The following SMOC1 variants were observed in gnomAD, a reference collection of about 807,000 sequenced individuals.
The protein encoded by SMOC1 is SPARC related modular calcium binding 1.
In SMOC1, 22 loss-of-function variants were observed where a neutral mutation model predicts 56.3. The observed-to-expected ratio is 0.39, with a 90% CI of 0.28 to 0.56. The LOEUF is 0.56. Ranked by LOEUF, SMOC1 falls within the 20% of genes least tolerant of loss-of-function variation. The pLI is 0.61. For synonymous variants in SMOC1, 193 were observed against 215.0 expected, an observed-to-expected ratio of 0.90 and a Z score of 0.89; for missense variants, 509 against 565.4, an observed-to-expected ratio of 0.90 and a Z score of 1.01.
intron 3 of SMOC1, among the ~76,000 whole-genome samples, chr14:69,956,029 ACAGCCCACTGGC>A (rs1180579617): frequency 1.3e-5 from 2 of 152,210 alleles, no homozygotes; most frequent in Non-Finnish European, 2.9e-5. Context: ...CTCGTGACAG[ACAGCCCACTGGC>A]CAGCTTTTGT....
intron 1 of SMOC1, among the ~76,000 whole-genome samples, chr14:69,915,243 C>G (rs1884657509): frequency 1.3e-5 from 2 of 152,234 alleles, no homozygotes; most frequent in Non-Finnish European, 2.9e-5. Context: ...TCCTCTTTCA[C>G]TGAGAAATCC....
intron 1 of SMOC1, among the ~76,000 whole-genome samples, chr14:69,926,283 G>A (rs1885009944): frequency 6.6e-6 from 1 of 152,228 alleles, no homozygotes. Flanking sequence ...TTTGCAAGGA[G>A]AAGGCTCAAT....
intron 10 of SMOC1, among the ~76,000 whole-genome samples, chr14:70,014,026 C>T (rs923355228): frequency 6.6e-6 from 1 of 152,212 alleles, no homozygotes; most frequent in Non-Finnish European, 1.5e-5. Flanking sequence ...TGATGTGAGG[C>T]TGAAATGCAC....
intron 5 of SMOC1, among the ~76,000 whole-genome samples, chr14:69,983,654 C>T (rs1380433): frequency 1.3e-5 from 2 of 152,166 alleles, no homozygotes; most frequent in Admixed American, 1.3e-4. Context: ...AAGCCCTCTG[C>T]CAGGTTCCTG....
At chr14:69,898,910 T>C (rs1884165880) in intron 1 of SMOC1, among the ~76,000 whole-genome samples, 1 of 152,048 alleles carries the variant, frequency 6.6e-6, no homozygotes, top group African/African-American at 2.4e-5. Flanking sequence ...TTGTGGTAAA[T>C]AGGCCTTTAG....
At chr14:69,936,383 C>T (rs1885295829) in intron 1 of SMOC1, among the ~76,000 whole-genome samples, 2 of 152,208 alleles carry the variant, frequency 1.3e-5, no homozygotes, top group Admixed American at 1.3e-4. Flanking sequence ...CCTGGGTAGA[C>T]GCTGCCCGAG....
intron 2 of SMOC1, 34 bp downstream of exon 2, chr14:69,952,337 G>C (rs770992968): frequency 1.2e-6 from 2 of 1,612,386 alleles, no homozygotes; most frequent in Non-Finnish European, 1.7e-6. Flanking sequence ...GCCAAGGAGA[G>C]GTTCCTGGGC....
chr14:69,885,961 A>T (rs1432296215), intron 1 of SMOC1: 11 of 1,588,562 alleles, frequency 6.9e-6, no homozygotes, highest in South Asian at 1.1e-5. Flanking sequence ...GCAACCTGAT[A>T]TAGCGGGGCC....
chr14:70,001,333 G>A (rs572176825), intron 7 of SMOC1, among the ~76,000 whole-genome samples: 19 of 152,064 alleles, frequency 1.2e-4, no homozygotes, highest in Non-Finnish European at 2.6e-4. Context: ...TGCCACTGAG[G>A]GGTCAAAGGA....
In SMOC1 at chr14:69,883,410, T is replaced by A. The variant is rs1318526704; in HGVS notation, c.99+3633T>A. 2.0e-5 allele frequency among the ~76,000 whole-genome samples: 3 copies of A among 152,186 alleles called. No homozygotes were observed. The East Asian group carries it at 5.8e-4, about 29-fold the overall frequency. On this transcript the variant is annotated intron_variant, in intron 1 of 11. Coordinates refer to ENST00000361956, the MANE Select transcript of SMOC1 (RefSeq NM_001034852.3). ...TCTGTCCTTCTGTGGCTGGCTTACTTTTCTTAACGTCCTCCAGGTTCATCT... is the reference window on the plus strand; with the variant it reads ...TCTGTCCTTCTGTGGCTGGCTTACTATTCTTAACGTCCTCCAGGTTCATCT...
intron 1 of SMOC1, among the ~76,000 whole-genome samples, chr14:69,903,270 A>G (rs1884304542): frequency 6.8e-6 from 1 of 146,826 alleles, no homozygotes; most frequent in South Asian, 2.2e-4. Flanking sequence ...CCCAGCCGCG[A>G]CCCCCTCTGG....
intron 1 of SMOC1, among the ~76,000 whole-genome samples, chr14:69,917,018 A>G (rs1177989966): frequency 6.6e-6 from 1 of 152,244 alleles, no homozygotes. Flanking sequence ...GGTGGTTTTC[A>G]TACTTTTAAA....
intron 1 of SMOC1, among the ~76,000 whole-genome samples, chr14:69,918,970 G>A (rs562653135): frequency 2.8e-4 from 43 of 152,256 alleles, no homozygotes; most frequent in South Asian, 1.5e-3. Context: ...AGTGGTGATC[G>A]TGGGTTTTTT....
chr14:70,015,259 G>A (rs2139597182), intron 10 of SMOC1, among the ~76,000 whole-genome samples: 1 of 152,316 alleles, frequency 6.6e-6, no homozygotes, highest in South Asian at 2.1e-4. Context: ...GAAGCAGAGA[G>A]CAGAATGGTG....
At chr14:69,987,327 C>T (rs184229670) in intron 5 of SMOC1, among the ~76,000 whole-genome samples, 1 of 152,304 alleles carries the variant, frequency 6.6e-6, no homozygotes, top group East Asian at 1.9e-4. Flanking sequence ...TGTTGACAGA[C>T]CTTCCACATC....
intron 5 of SMOC1, among the ~76,000 whole-genome samples, chr14:69,983,390 T>TATA (rs1884249801): frequency 6.6e-6 from 1 of 152,160 alleles, no homozygotes; most frequent in South Asian, 2.1e-4. Flanking sequence ...CAGGGATGAG[T>TATA]ATAACAGTAC....
At chr14:69,995,829 C>T (rs1884743593) in intron 7 of SMOC1, among the ~76,000 whole-genome samples, 2 of 152,134 alleles carry the variant, frequency 1.3e-5, no homozygotes, top group Non-Finnish European at 2.9e-5. Flanking sequence ...GAAAATTCTT[C>T]AATCAGAAAG....
At chr14:70,017,765 G>T (rs1885570997) in intron 10 of SMOC1, among the ~76,000 whole-genome samples, 1 of 152,164 alleles carries the variant, frequency 6.6e-6, no homozygotes, top group Non-Finnish European at 1.5e-5. Context: ...TGGTCTGGAA[G>T]GGAGATACAG....
chr14:69,918,904 G>T (rs988652616), intron 1 of SMOC1, among the ~76,000 whole-genome samples: 16 of 152,280 alleles, frequency 1.1e-4, no homozygotes, highest in African/African-American at 3.8e-4. Flanking sequence ...TACAACCCAG[G>T]CAAATGGTGC....
Sources: allele counts gnomAD v4.1 joint callset (sites outside exome capture counted in the v4.1 genomes callset), GRCh38; gene constraint gnomAD v4.1.1; transcripts MANE v1.5; gene names NCBI Gene and HGNC (gene_info 2026-07-23, HGNC 2026-07-21).